DPP6: variants seen among roughly 807,000 people sequenced by gnomAD.
The protein encoded by DPP6 is A-type potassium channel modulatory protein DPP6.
A neutral mutation model predicts 122.6 loss-of-function variants in DPP6; 69 were observed. That is an observed-to-expected ratio of 0.56 (90% CI 0.46 to 0.69). The LOEUF is 0.69. DPP6 is among the 30% of genes least tolerant of loss of function. The pLI is 0.00. For missense variants in DPP6, 928 were observed against 1,116.9 expected, an observed-to-expected ratio of 0.83 and a Z score of 2.41; for synonymous variants, 418 against 433.1, an observed-to-expected ratio of 0.97 and a Z score of 0.43.
In DPP6 at chr7:154,893,285, A is replaced by T; in HGVS notation, c.*805A>T. 1 of 245,646 alleles carries T rather than the reference A, an allele frequency of 4.1e-6. No homozygotes were observed. The highest frequency in any genetic ancestry group is 4.7e-5 in the South Asian group (1 of 21,114). 15.2% of individuals were successfully genotyped at this position (245,646 alleles called of 1,614,324 possible). A position where few individuals can be genotyped will look rare whatever the true frequency, so the allele number is the denominator to read the frequency against. On this transcript the variant is annotated 3_prime_UTR_variant, in exon 26 of 26. Coordinates refer to ENST00000377770, the MANE Select transcript of DPP6 (RefSeq NM_130797.4). ...GGGACGTTCCTAAACACTGAGGGGG[A>T]AGACAGCCAATAGCACCCATTAAAA...
chr7:154,782,480 C>G (rs1490482419), intron 10 of DPP6, among the ~76,000 whole-genome samples: 3 of 152,092 alleles, frequency 2.0e-5, no homozygotes, highest in African/African-American at 7.2e-5. Context: ...TAACTGCTAC[C>G]AAATTTCTCT....
the DPP6 span, among the ~76,000 whole-genome samples, chr7:153,833,565 G>A: frequency 6.6e-6 from 1 of 152,036 alleles, no homozygotes; most frequent in South Asian, 2.1e-4. Flanking sequence ...CAGCTACTCA[G>A]GAGCCTGAGG....
In DPP6 at chr7:154,110,625, G is replaced by A. The variant is rs547110207; in HGVS notation, c.243+57562G>A. Among the ~76,000 whole-genome samples, 6 of 152,186 alleles carry A rather than the reference G, an allele frequency of 3.9e-5. 1 individual carries two copies. In the South Asian group the frequency reaches 6.2e-4, roughly 16 times the overall value. On this transcript the variant is annotated intron_variant, in intron 1 of 25. Transcript: ENST00000377770. The stretch of plus-strand genomic sequence containing the variant: ...GGGATGAGCGAGAAAGGGGATGGAG[G>A]CTTTGGCAATGTTGAATGGGTTTTC...
intron 7 of DPP6, among the ~76,000 whole-genome samples, chr7:154,697,842 A>G (rs900140473): frequency 6.6e-6 from 1 of 152,214 alleles, no homozygotes; most frequent in East Asian, 1.9e-4. Context: ...CTCAGTGTAC[A>G]GTAAACATTT....
intron 1 of DPP6, among the ~76,000 whole-genome samples, chr7:154,290,733 C>T (rs1805153070): frequency 6.6e-6 from 1 of 152,136 alleles, no homozygotes; most frequent in Non-Finnish European, 1.5e-5. Flanking sequence ...AGTCCACTGG[C>T]CCCTGGTGTT....
intron 1 of DPP6, among the ~76,000 whole-genome samples, chr7:154,163,579 G>A (rs1452165810): frequency 6.6e-6 from 1 of 152,088 alleles, no homozygotes; most frequent in Non-Finnish European, 1.5e-5. Flanking sequence ...TAGTTCAAAT[G>A]TAAATCATCA....
intron 1 of DPP6, among the ~76,000 whole-genome samples, chr7:154,285,845 T>C (rs1585831630): frequency 6.6e-6 from 1 of 152,330 alleles, no homozygotes; most frequent in East Asian, 1.9e-4. Flanking sequence ...AGACAGAATC[T>C]GAAAAGAGAT....
At chr7:154,621,876 ATGTC>A (rs1834706849) in intron 5 of DPP6, among the ~76,000 whole-genome samples, 1 of 152,104 alleles carries the variant, frequency 6.6e-6, no homozygotes, top group South Asian at 2.1e-4. Flanking sequence ...AGTCCATAGA[ATGTC>A]TGGGAAAAGA....
chr7:154,699,504 A>G (rs1293136599), intron 7 of DPP6, among the ~76,000 whole-genome samples: 3 of 152,214 alleles, frequency 2.0e-5, no homozygotes, highest in Non-Finnish European at 1.5e-5. Context: ...GTTTTGGTTC[A>G]GACCTGCTCC....
chr7:154,002,331 A>T (rs1419894347), intron 1 of DPP6, among the ~76,000 whole-genome samples: 1 of 151,918 alleles, frequency 6.6e-6, no homozygotes, highest in African/African-American at 2.4e-5. Flanking sequence ...TAATTTGTAG[A>T]TGACTAAAAG....
At chr7:154,477,222 A>G (rs1822824283) in intron 3 of DPP6, among the ~76,000 whole-genome samples, 1 of 152,124 alleles carries the variant, frequency 6.6e-6, no homozygotes, top group Admixed American at 6.5e-5. Flanking sequence ...AGTGGTATAC[A>G]TGGGAGTCAC....
intron 5 of DPP6, among the ~76,000 whole-genome samples, chr7:154,621,447 C>T (rs1230525525): frequency 6.6e-6 from 1 of 152,220 alleles, no homozygotes; most frequent in Non-Finnish European, 1.5e-5. Flanking sequence ...CAGCTCACTG[C>T]AACCTCCGCC....
chr7:153,803,156 G>A, the DPP6 span, among the ~76,000 whole-genome samples: 14,755 of 150,962 alleles, frequency 0.098, 874 homozygotes, highest in African/African-American at 0.15. Context: ...ACACGTGGGC[G>A]TCCCAATGTT....
intron 1 of DPP6, among the ~76,000 whole-genome samples, chr7:153,888,086 C>A (rs1799018737): frequency 6.6e-6 from 1 of 152,126 alleles, no homozygotes. Flanking sequence ...TCTGGGGAAA[C>A]GCGGGGAGAG....
intron 1 of DPP6, among the ~76,000 whole-genome samples, chr7:153,994,454 C>A (rs1444019516): frequency 6.6e-6 from 1 of 151,594 alleles, no homozygotes; most frequent in African/African-American, 2.4e-5. Context: ...GTTGTTAGTT[C>A]TTTTCTATAT....
At chr7:154,031,455 C>A (rs988740918) in intron 1 of DPP6, among the ~76,000 whole-genome samples, 1 of 151,734 alleles carries the variant, frequency 6.6e-6, no homozygotes, top group South Asian at 2.1e-4. Context: ...TGTCTGTAGG[C>A]AAAATACACA....
chr7:153,993,262 T>C (rs1184837186), intron 1 of DPP6, among the ~76,000 whole-genome samples: 1 of 152,166 alleles, frequency 6.6e-6, no homozygotes, highest in African/African-American at 2.4e-5. Flanking sequence ...ATGAATGAAC[T>C]CTTGTGAAGC....
chr7:154,636,453 G>T (rs1393572809), intron 5 of DPP6, among the ~76,000 whole-genome samples: 1 of 152,192 alleles, frequency 6.6e-6, no homozygotes, highest in Admixed American at 6.5e-5. Context: ...AAGTTCCTGT[G>T]TTCCTTATTA....
In DPP6 at chr7:154,098,922, A is replaced by G. The variant is rs139156560; in HGVS notation, c.243+45859A>G. ...CTCATTCTTGCCCCATAAAATGTCT[A>G]CACTTTAAAAGTAAATCATGCCAAT... On this transcript the variant is annotated intron_variant, in intron 1 of 25. Coordinates refer to ENST00000377770, the MANE Select transcript of DPP6 (RefSeq NM_130797.4). 5.5e-3 allele frequency among the ~76,000 whole-genome samples: 843 copies of G among 152,352 alleles called. 4 individuals are homozygous for G. The highest frequency in any genetic ancestry group is 0.017 in the Middle Eastern group (5 of 294).
Sources: allele counts gnomAD v4.1 joint callset (sites outside exome capture counted in the v4.1 genomes callset), GRCh38; gene constraint gnomAD v4.1.1; transcripts MANE v1.5; gene names NCBI Gene and HGNC (gene_info 2026-07-23, HGNC 2026-07-21).